Variants in SDK1 observed in about 807,000 individuals in gnomAD.
SDK1 encodes the protein sidekick cell adhesion molecule 1.
SDK1 carries 157 observed loss-of-function variants against 245.5 expected under a neutral mutation model. The observed-to-expected ratio is 0.64, with a 90% CI of 0.56 to 0.73. SDK1 has a LOEUF of 0.73. SDK1 is among the 30% of genes least tolerant of loss of function. The probability of loss-of-function intolerance (pLI) is 0.00; values close to 1 mark genes in which losing one functional copy is unlikely to be tolerated. For missense variants in SDK1, 3,583 were observed against 3,002.3 expected, an observed-to-expected ratio of 1.19 and a Z score of -4.52; for synonymous variants, 1,647 against 1,278.5, an observed-to-expected ratio of 1.29 and a Z score of -6.15.
intron 19 of SDK1, among the ~76,000 whole-genome samples, chr7:4,057,112 A>G (rs1452165892): frequency 6.6e-6 from 1 of 151,956 alleles, no homozygotes; most frequent in Non-Finnish European, 1.5e-5. Flanking sequence ...TCTGAAGCAC[A>G]CCTCCCCAGC....
intron 1 of SDK1, among the ~76,000 whole-genome samples, chr7:3,507,260 A>G (rs1435186736): frequency 6.6e-6 from 1 of 152,126 alleles, no homozygotes; most frequent in Non-Finnish European, 1.5e-5. Flanking sequence ...ATCTCACCCT[A>G]CACATGTGCA....
At chr7:4,184,845 TCCAGCGCC>T (rs888226841) in intron 35 of SDK1, among the ~76,000 whole-genome samples, 29 of 152,308 alleles carry the variant, frequency 1.9e-4, no homozygotes, top group Admixed American at 9.2e-4. Context: ...CATGGCTGGA[TCCAGCGCC>T]CCAGCAAGCT....
At chr7:3,676,487 A>T (rs530804108) in intron 4 of SDK1, among the ~76,000 whole-genome samples, 3 of 151,788 alleles carry the variant, frequency 2.0e-5, no homozygotes, top group Admixed American at 6.6e-5. Flanking sequence ...CACCACGCCC[A>T]GCTAATTTTT....
chr7:4,148,012 G>A (rs1780097759), intron 29 of SDK1, among the ~76,000 whole-genome samples: 2 of 151,832 alleles, frequency 1.3e-5, no homozygotes, highest in Non-Finnish European at 2.9e-5. Flanking sequence ...TGATTATCCG[G>A]ACCAGAGATT....
At chr7:3,389,160 T>C (rs1781682808) in intron 1 of SDK1, among the ~76,000 whole-genome samples, 1 of 152,148 alleles carries the variant, frequency 6.6e-6, no homozygotes, top group Non-Finnish European at 1.5e-5. Flanking sequence ...TAGACAAATG[T>C]GGAAGGCTAA....
chr7:3,867,581 C>G (rs908873421), intron 5 of SDK1, among the ~76,000 whole-genome samples: 2 of 152,118 alleles, frequency 1.3e-5, no homozygotes, highest in African/African-American at 2.4e-5. Flanking sequence ...GGGAGCTTCT[C>G]TTTATAAAAC....
At chr7:3,844,645 G>T (rs1780233432) in intron 5 of SDK1, among the ~76,000 whole-genome samples, 1 of 152,148 alleles carries the variant, frequency 6.6e-6, no homozygotes, top group Admixed American at 6.5e-5. Flanking sequence ...TTTCAACAAG[G>T]AAGAGTTTAC....
intron 4 of SDK1, among the ~76,000 whole-genome samples, chr7:3,721,566 G>C (rs951779001): frequency 6.6e-6 from 1 of 152,186 alleles, no homozygotes; most frequent in East Asian, 1.9e-4. Flanking sequence ...ACCTCTGTGG[G>C]TGCACCCTTC....
intron 35 of SDK1, among the ~76,000 whole-genome samples, chr7:4,188,760 C>T (rs1783028712): frequency 1.3e-5 from 2 of 151,294 alleles, no homozygotes; most frequent in Non-Finnish European, 2.9e-5. Context: ...AAGTGAGCTT[C>T]TAAATGGATC....
intron 1 of SDK1, among the ~76,000 whole-genome samples, chr7:3,490,653 A>G (rs1018593240): frequency 6.6e-5 from 10 of 152,324 alleles, no homozygotes; most frequent in Non-Finnish European, 2.9e-5. Flanking sequence ...GCTTAAACAG[A>G]CTAATTGAAA....
intron 17 of SDK1, among the ~76,000 whole-genome samples, chr7:4,029,032 A>G (rs1787578674): frequency 6.8e-6 from 1 of 147,224 alleles, no homozygotes. Flanking sequence ...AGTGCGGCAC[A>G]TTCTACCAAC....
At position 3,694,132 on chromosome 7, in the gene SDK1, C is replaced by T. The variant is rs184867809; in HGVS notation, c.713+52027C>T. Among the ~76,000 whole-genome samples, 426 of 152,298 alleles carry T rather than the reference C, an allele frequency of 2.8e-3. 6 individuals are homozygous for T. Among genetic ancestry groups the T allele is most frequent in the Admixed American group, 0.024 (362 of 15,292 alleles). ...GGAAGGCAAATTGTAAAAGACTAAG[C>T]ACTGTGACAATGGGAAAGTAATTTA... On this transcript the variant is annotated intron_variant, in intron 4 of 44. Transcript: ENST00000404826.
intron 4 of SDK1, among the ~76,000 whole-genome samples, chr7:3,679,161 A>G (rs990016971): frequency 6.6e-6 from 1 of 152,242 alleles, no homozygotes; most frequent in Non-Finnish European, 1.5e-5. Context: ...GAATGAAAAA[A>G]CAGGCTGCAA....
At position 4,268,423 on chromosome 7, in the gene SDK1, G is replaced by T. The variant is rs1975585; in HGVS notation, c.*3039G>T. 3 of 1,111,488 alleles carry T rather than the reference G, an allele frequency of 2.7e-6. No individual in the cohort carries two copies. Among genetic ancestry groups the T allele is most frequent in the Non-Finnish European group, 3.3e-6 (3 of 899,500 alleles). 68.9% of individuals were successfully genotyped at this position (1,111,488 alleles called of 1,614,324 possible). On this transcript the variant is annotated 3_prime_UTR_variant, in exon 45 of 45. Transcript: ENST00000404826. ...AGCCCAAGCCCCTCTCCCCAGCCTCGCCTTCAGCCTCTCTCCCAGCCTGCT... is the reference window on the plus strand; with the variant it reads ...AGCCCAAGCCCCTCTCCCCAGCCTCTCCTTCAGCCTCTCTCCCAGCCTGCT...
intron 5 of SDK1, among the ~76,000 whole-genome samples, chr7:3,846,039 C>T (rs1780269878): frequency 1.3e-5 from 2 of 152,132 alleles, no homozygotes; most frequent in African/African-American, 4.8e-5. Context: ...ATATGTATTT[C>T]TGTTTGAAGT....
intron 19 of SDK1, among the ~76,000 whole-genome samples, chr7:4,064,451 CTAATA>C (rs1420687573): frequency 6.6e-6 from 1 of 152,134 alleles, no homozygotes; most frequent in Non-Finnish European, 1.5e-5. Flanking sequence ...ACAGGGAACT[CTAATA>C]CACTGTTGGT....
intron 1 of SDK1, among the ~76,000 whole-genome samples, chr7:3,378,070 C>T (rs547638890): frequency 7.2e-5 from 11 of 152,262 alleles, no homozygotes; most frequent in Non-Finnish European, 1.5e-4. Flanking sequence ...TGAACCACTG[C>T]GCCGGCCCCC....
intron 4 of SDK1, among the ~76,000 whole-genome samples, chr7:3,764,625 C>T (rs1031483871): frequency 1.6e-4 from 25 of 151,698 alleles, no homozygotes; most frequent in African/African-American, 6.1e-4. Flanking sequence ...GAGGTTGCAG[C>T]GAGCAGGGAT....
In SDK1 at chr7:4,077,018, G is replaced by T; in HGVS notation, c.3031G>T (p.Val1011Leu). Reference protein sequence around the residue: ...IITGYQISWEVYGRNDSRLTH... With the variant: ...IITGYQISWELYGRNDSRLTH... The stretch of plus-strand genomic sequence containing the variant: ...TCTAGGCTATCAGATCTCTTGGGAA[G>T]TGTACGGCAGGAACGACTCTCGTCT... The change falls in exon 21 of 45, where the codon GTG (valine) becomes TTG (leucine). Residue 1011 changes from valine to leucine, a missense_variant. Val to Leu is a conservative substitution (Grantham distance 32, BLOSUM62 1). Coordinates refer to ENST00000404826, the MANE Select transcript of SDK1 (RefSeq NM_152744.4). The T allele has an allele frequency of 6.2e-7, 1 of 1,614,116 alleles. No homozygotes were observed. The highest frequency in any genetic ancestry group is 1.3e-5 in the African/African-American group (1 of 75,056).
Sources: allele counts gnomAD v4.1 joint callset (sites outside exome capture counted in the v4.1 genomes callset), GRCh38; gene constraint gnomAD v4.1.1; transcripts MANE v1.5; gene names NCBI Gene and HGNC (gene_info 2026-07-23, HGNC 2026-07-21).